The following FBXO21 variants were observed in gnomAD, a reference collection of about 807,000 sequenced individuals.
FBXO21 encodes F-box only protein 21.
Under a neutral mutation model 76.6 loss-of-function variants are expected in FBXO21, and 32 were observed. That is an observed-to-expected ratio of 0.42 (90% CI 0.32 to 0.56). The LOEUF is 0.56. Among genes scored for constraint, FBXO21 ranks in the 20% least tolerant of loss-of-function variants. FBXO21 has a pLI of 0.16. For synonymous variants in FBXO21, 328 were observed against 311.5 expected (o/e 1.05, Z -0.56); for missense variants, 586 against 797.3 (o/e 0.73, Z 3.19).
chr12:117,163,925 C>T (rs1473757765), intron 9 of FBXO21, among the ~76,000 whole-genome samples: 2 of 151,878 alleles, frequency 1.3e-5, no homozygotes, highest in African/African-American at 4.8e-5. Flanking sequence ...GCCTGGGCGA[C>T]AGAGCAAGAC....
At chr12:117,167,612 G>A (rs1388827621) in intron 7 of FBXO21, among the ~76,000 whole-genome samples, 2 of 152,070 alleles carry the variant, frequency 1.3e-5, no homozygotes, top group South Asian at 2.1e-4. Context: ...GTGGTAGCAC[G>A]CACCTGTAGT....
At chr12:117,163,520 G>C (rs1031153887) in intron 9 of FBXO21, among the ~76,000 whole-genome samples, 1 of 151,530 alleles carries the variant, frequency 6.6e-6, no homozygotes, top group African/African-American at 2.4e-5. Flanking sequence ...GCAAGAGAGT[G>C]AGACTGTCTC....
intron 9 of FBXO21, among the ~76,000 whole-genome samples, chr12:117,162,325 C>T (rs1955989210): frequency 6.6e-6 from 1 of 152,212 alleles, no homozygotes; most frequent in East Asian, 1.9e-4. Context: ...GCCCACTGTA[C>T]CACGGGATGC....
intron 7 of FBXO21, among the ~76,000 whole-genome samples, chr12:117,171,946 T>A (rs1463411085): frequency 6.6e-6 from 1 of 152,200 alleles, no homozygotes; most frequent in Non-Finnish European, 1.5e-5. Context: ...AAAATTCTCA[T>A]CAGTCACCAA....
Position 117,190,430 on chromosome 12 carries a change from C to T in FBXO21, c.27G>A (p.Ala9=), listed in dbSNP as rs746654849. 4 of 1,445,328 alleles carry T rather than the reference C, an allele frequency of 2.8e-6. No homozygotes were observed. The highest frequency in any genetic ancestry group is 3.7e-6 in the Non-Finnish European group (4 of 1,088,402). The allele number at this position is 1,445,328 out of a possible 1,614,324, so 89.5% of individuals were successfully genotyped here. Residue 9 remains alanine, a synonymous_variant, in exon 1 of 12, where the codon GCG becomes GCA. Coordinates refer to ENST00000622495, the MANE Select transcript of FBXO21 (RefSeq NM_015002.3). MAAAAVDS[A]MEVVPALAEE... The stretch of plus-strand genomic sequence containing the variant: ...CCGCCAGCGCCGGCACCACCTCCAT[C>T]GCGCTGTCGACTGCTGCCGCCGCCA...
intron 3 of FBXO21, among the ~76,000 whole-genome samples, chr12:117,183,267 T>G (rs1203622505): frequency 6.6e-6 from 1 of 151,810 alleles, no homozygotes; most frequent in East Asian, 1.9e-4. Flanking sequence ...TTTTTTTTTT[T>G]GAGACGGAGT....
intron 5 of FBXO21, 149 bp downstream of exon 5, chr12:117,174,502 G>A: frequency 8.5e-7 from 1 of 1,178,026 alleles, no homozygotes; most frequent in Non-Finnish European, 1.2e-6. Flanking sequence ...AGTGTTTTAG[G>A]TTCAACACTT....
chr12:117,146,734 T>C, intron 11 of FBXO21, among the ~76,000 whole-genome samples: 1 of 152,164 alleles, frequency 6.6e-6, no homozygotes, highest in East Asian at 1.9e-4. Context: ...GAGCCCCTCA[T>C]GCAGACCACA....
At chr12:117,159,752 T>C (rs970255692) in intron 9 of FBXO21, among the ~76,000 whole-genome samples, 1 of 152,148 alleles carries the variant, frequency 6.6e-6, no homozygotes. Flanking sequence ...CTCCACTGTG[T>C]TCCACACACA....
chr12:117,189,081 A>G, intron 2 of FBXO21, 146 bp downstream of exon 2: 1 of 865,486 alleles, frequency 1.2e-6, no homozygotes, highest in South Asian at 1.6e-5. Flanking sequence ...AAAGGACACA[A>G]TGACTCTTGC....
At chr12:117,158,763 T>A (rs1251498989) in intron 9 of FBXO21, among the ~76,000 whole-genome samples, 1 of 152,226 alleles carries the variant, frequency 6.6e-6, no homozygotes, top group Non-Finnish European at 1.5e-5. Flanking sequence ...AAACTACATC[T>A]ATGCAGAGGT....
chr12:117,181,600 T>TCTATCTATCTATCTAC (rs1491473223), intron 3 of FBXO21, among the ~76,000 whole-genome samples: 342 of 20,308 alleles, frequency 0.017, 2 homozygotes, highest in African/African-American at 0.14. Flanking sequence ...TCTGAGACAG[T>TCTATCTATCTATCTAC]CTATCTATCT....
chr12:117,152,245 A>C (rs1351174460), intron 11 of FBXO21, among the ~76,000 whole-genome samples: 1 of 152,178 alleles, frequency 6.6e-6, no homozygotes, highest in Non-Finnish European at 1.5e-5. Context: ...AGCGGGCAGA[A>C]TGCTTGAGTC....
At chr12:117,164,708 T>C (rs1956031363) in intron 9 of FBXO21, among the ~76,000 whole-genome samples, 2 of 152,250 alleles carry the variant, frequency 1.3e-5, no homozygotes, top group Non-Finnish European at 2.9e-5. Flanking sequence ...TTGTAATATT[T>C]ACTTTTTCAA....
chr12:117,152,145 A>G (rs1272562529), intron 11 of FBXO21, among the ~76,000 whole-genome samples: 2 of 152,192 alleles, frequency 1.3e-5, no homozygotes, highest in African/African-American at 2.4e-5. Flanking sequence ...TAAGGAACCA[A>G]TGAGGCAAAT....
chr12:117,157,741 G>A (rs1487924959), intron 10 of FBXO21, 132 bp downstream of exon 10: 22 of 638,724 alleles, frequency 3.4e-5, no homozygotes, highest in Admixed American at 3.0e-4. Flanking sequence ...TCTTCCCCGC[G>A]GTGCGCACTC....
intron 9 of FBXO21, among the ~76,000 whole-genome samples, chr12:117,159,129 CCA>C (rs1955948868): frequency 6.6e-6 from 1 of 152,166 alleles, no homozygotes; most frequent in Admixed American, 6.5e-5. Context: ...TGTGAAAACT[CCA>C]GTTTTATGCA....
Position 117,159,069 on chromosome 12 carries a change from T to C in FBXO21, c.1327-1006A>G, listed in dbSNP as rs572413640. Among the ~76,000 whole-genome samples the C allele has an allele frequency of 7.1e-4, 108 of 152,296 alleles. 4 individuals are homozygous for C. In the South Asian group the frequency reaches 0.015, roughly 21 times the overall value. On this transcript the variant is annotated intron_variant, in intron 9 of 11. Coordinates refer to ENST00000622495, the MANE Select transcript of FBXO21 (RefSeq NM_015002.3). Reference sequence around the variant, plus strand: ...ATTCCTTTCTTAGCTTATCAAATCATGAGTAATCACTGTCCTATTTGCTGA... The same window carrying C: ...ATTCCTTTCTTAGCTTATCAAATCACGAGTAATCACTGTCCTATTTGCTGA...
At chr12:117,153,529 C>A (rs969835926) in intron 11 of FBXO21, among the ~76,000 whole-genome samples, 3 of 152,200 alleles carry the variant, frequency 2.0e-5, no homozygotes, top group African/African-American at 7.2e-5. Flanking sequence ...CCAGAGAACA[C>A]GGCTTTGGGA....
Sources: allele counts gnomAD v4.1 joint callset (sites outside exome capture counted in the v4.1 genomes callset), GRCh38; gene constraint gnomAD v4.1.1; transcripts MANE v1.5; gene names NCBI Gene and HGNC (gene_info 2026-07-23, HGNC 2026-07-21).